SLC4A4: variants seen among roughly 807,000 people sequenced by gnomAD.
SLC4A4 encodes electrogenic sodium bicarbonate cotransporter 1.
Under a neutral mutation model 111.5 loss-of-function variants are expected in SLC4A4, and 27 were observed. The observed-to-expected ratio is 0.24, with a 90% CI of 0.18 to 0.33. The LOEUF (loss-of-function observed/expected upper bound fraction) is 0.33. Among genes scored for constraint, SLC4A4 ranks in the 10% least tolerant of loss-of-function variants. The probability of loss-of-function intolerance (pLI) is 1.00; values close to 1 mark genes in which losing one functional copy is unlikely to be tolerated. For missense variants in SLC4A4, 909 were observed against 1,315.5 expected (o/e 0.69, Z 4.78); for synonymous variants, 443 against 463.4 (o/e 0.96, Z 0.57).
At chr4:71,418,428 T>A (rs915734692) in intron 7 of SLC4A4, among the ~76,000 whole-genome samples, 12 of 152,242 alleles carry the variant, frequency 7.9e-5, no homozygotes, top group Non-Finnish European at 1.3e-4. Flanking sequence ...AATGATTTTG[T>A]CTGTATTCTT....
chr4:71,156,558 AAG>A (rs1744470067), intron 2 of SLC4A4, among the ~76,000 whole-genome samples: 5 of 35,292 alleles, frequency 1.4e-4, no homozygotes, highest in East Asian at 2.1e-3. Flanking sequence ...ATGTCCAAAT[AAG>A]TGTGTGCGCG....
chr4:71,540,781 A>ATACT (rs1232139540), intron 18 of SLC4A4, among the ~76,000 whole-genome samples: 4 of 152,166 alleles, frequency 2.6e-5, no homozygotes, highest in Non-Finnish European at 5.9e-5. Context: ...CTGTCAATGA[A>ATACT]TACTTATTAA....
intron 1 of SLC4A4, among the ~76,000 whole-genome samples, chr4:71,212,486 G>A (rs1718193346): frequency 6.6e-6 from 1 of 152,220 alleles, no homozygotes; most frequent in East Asian, 1.9e-4. Flanking sequence ...CTGACCTGCT[G>A]TCAGAGGGGC....
At chr4:71,355,094 A>T (rs1239177535) in intron 5 of SLC4A4, among the ~76,000 whole-genome samples, 2 of 152,202 alleles carry the variant, frequency 1.3e-5, no homozygotes, top group East Asian at 3.9e-4. Context: ...AGCCACACAG[A>T]TGTTTTAACC....
chr4:71,068,886 T>C (rs185943379), intron 1 of SLC4A4, among the ~76,000 whole-genome samples: 20 of 152,284 alleles, frequency 1.3e-4, no homozygotes, highest in African/African-American at 4.8e-4. Context: ...TTTTTAGCAG[T>C]GCTTTTTACA....
At chr4:71,076,164 G>A (rs1198793742) in intron 1 of SLC4A4, among the ~76,000 whole-genome samples, 2 of 151,890 alleles carry the variant, frequency 1.3e-5, no homozygotes, top group Admixed American at 1.3e-4. Flanking sequence ...AGGACAAAAC[G>A]AATTCCTCAG....
At chr4:71,083,491 A>G (rs1742052091) in intron 1 of SLC4A4, among the ~76,000 whole-genome samples, 1 of 151,726 alleles carries the variant, frequency 6.6e-6, no homozygotes, top group Non-Finnish European at 1.5e-5. Context: ...CCTGATTCTG[A>G]TTATTAAGGT....
intron 6 of SLC4A4, among the ~76,000 whole-genome samples, chr4:71,374,637 A>C (rs1732181301): frequency 6.6e-6 from 1 of 152,186 alleles, no homozygotes; most frequent in Non-Finnish European, 1.5e-5. Flanking sequence ...TATTATGCTG[A>C]CTTTAGACAA....
rs142195082 is a variant in SLC4A4 at position 71,322,503 on chromosome 4, A to G, written c.254-16867A>G. Among the ~76,000 whole-genome samples the G allele has an allele frequency of 3.1e-3, 475 of 152,118 alleles. 3 individuals carry two copies. The highest frequency in any genetic ancestry group is 9.8e-3 in the African/African-American group (409 of 41,530). On this transcript the variant is annotated intron_variant, in intron 3 of 25. Transcript: ENST00000264485. Reference sequence around the variant, plus strand: ...AATAGTTGCACTCGAACAAATCTGTAGAGTTTATTTTGGGAATCTTGAAGA... The same window carrying G: ...AATAGTTGCACTCGAACAAATCTGTGGAGTTTATTTTGGGAATCTTGAAGA...
intron 2 of SLC4A4, among the ~76,000 whole-genome samples, chr4:71,107,275 T>G (rs1179018751): frequency 1.3e-5 from 2 of 152,196 alleles, no homozygotes; most frequent in African/African-American, 2.4e-5. Flanking sequence ...CTACTTGTTT[T>G]CTATATGTCT....
chr4:71,364,541 T>G (rs1731072682), intron 6 of SLC4A4, among the ~76,000 whole-genome samples: 1 of 152,160 alleles, frequency 6.6e-6, no homozygotes, highest in Non-Finnish European at 1.5e-5. Flanking sequence ...GTGAGAGCCC[T>G]TTCCTCATAG....
intron 16 of SLC4A4, among the ~76,000 whole-genome samples, chr4:71,499,063 C>T: frequency 8.3e-6 from 1 of 121,014 alleles, no homozygotes; most frequent in East Asian, 2.1e-4. Flanking sequence ...GGGTAAAAGT[C>T]TTTGAGGACA....
intron 2 of SLC4A4, among the ~76,000 whole-genome samples, chr4:71,175,572 C>T (rs1012659958): frequency 5.3e-5 from 8 of 152,206 alleles, no homozygotes; most frequent in Admixed American, 2.6e-4. Context: ...CATGGAGCCT[C>T]GCTCATTGCT....
chr4:71,124,321 G>A (rs1016100069), intron 2 of SLC4A4, among the ~76,000 whole-genome samples: 28 of 151,940 alleles, frequency 1.8e-4, no homozygotes, highest in African/African-American at 6.3e-4. Context: ...ACAGGTGCCC[G>A]CCACCATGTC....
intron 1 of SLC4A4, among the ~76,000 whole-genome samples, chr4:71,196,529 GTTGAA>G (rs1252174403): frequency 6.6e-6 from 1 of 152,098 alleles, no homozygotes; most frequent in African/African-American, 2.4e-5. Flanking sequence ...GAATTCTGCA[GTTGAA>G]TTGATCACTT....
chr4:71,536,480 A>G (rs1315779596), intron 18 of SLC4A4, among the ~76,000 whole-genome samples: 4 of 99,136 alleles, frequency 4.0e-5, no homozygotes, highest in East Asian at 4.5e-4. Context: ...ATATATATAT[A>G]TATATATGTA....
At chr4:71,196,908 C>T (rs1316162420) in intron 1 of SLC4A4, among the ~76,000 whole-genome samples, 2 of 134,532 alleles carry the variant, frequency 1.5e-5, no homozygotes, top group South Asian at 2.5e-4. Flanking sequence ...ATTATCTTAT[C>T]CAACTTTATT....
chr4:71,191,324 A>C (rs1745723525), intron 1 of SLC4A4, among the ~76,000 whole-genome samples: 1 of 152,236 alleles, frequency 6.6e-6, no homozygotes, highest in Non-Finnish European at 1.5e-5. Context: ...GTTTGTGTAA[A>C]CCAAAACATC....
chr4:71,069,331 A>T (rs573328882), intron 1 of SLC4A4, among the ~76,000 whole-genome samples: 5 of 152,210 alleles, frequency 3.3e-5, no homozygotes, highest in Non-Finnish European at 5.9e-5. Flanking sequence ...CCAAAGGTAC[A>T]TTCTCAATCT....
Sources: allele counts gnomAD v4.1 joint callset (sites outside exome capture counted in the v4.1 genomes callset), GRCh38; gene constraint gnomAD v4.1.1; transcripts MANE v1.5; gene names NCBI Gene and HGNC (gene_info 2026-07-23, HGNC 2026-07-21).